KIF15: variants seen among roughly 807,000 people sequenced by gnomAD.
KIF15 encodes kinesin family member 15, also known as kinesin-like protein KIF15.
A neutral mutation model predicts 190.6 loss-of-function variants in KIF15; 140 were observed. The observed-to-expected ratio is 0.73, with a 90% confidence interval of 0.64 to 0.84. The LOEUF (loss-of-function observed/expected upper bound fraction) is 0.84. Ranked by LOEUF, KIF15 falls within the 40% of genes least tolerant of loss-of-function variation. The probability of loss-of-function intolerance (pLI) is 0.00; values close to 1 mark genes in which losing one functional copy is unlikely to be tolerated. For synonymous variants in KIF15, 528 were observed against 551.3 expected (o/e 0.96, Z 0.59); for missense variants, 1,372 against 1,584.4 (o/e 0.87, Z 2.28).
Position 44,852,300 on chromosome 3 carries a change from C to T in KIF15, c.4065C>T (p.Tyr1355=), listed in dbSNP as rs1293986006. The T allele has an allele frequency of 6.2e-6, 10 of 1,612,146 alleles. No homozygotes were observed. Among genetic ancestry groups the T allele is most frequent in the Admixed American group, 3.3e-5 (2 of 59,892 alleles). Reference sequence around the variant, plus strand: ...AAAATTTGCATCAGAAGATTCAGTACGTAGTGCGACTAAAGAAGGAAAATG... The same window carrying T: ...AAAATTTGCATCAGAAGATTCAGTATGTAGTGCGACTAAAGAAGGAAAATG... ...GHQNLHQKIQ[Y]VVRLKKENVR... Residue 1355 remains tyrosine, a synonymous_variant, in exon 34 of 35, where the codon TAC becomes TAT. Coordinates refer to ENST00000326047, the MANE Select transcript of KIF15 (RefSeq NM_020242.3).
At chr3:44,822,017 G>A (rs1424062359) in intron 20 of KIF15, among the ~76,000 whole-genome samples, 3 of 152,222 alleles carry the variant, frequency 2.0e-5, no homozygotes, top group African/African-American at 4.8e-5. Context: ...GCAGGCACTC[G>A]GCAAGCTGAG....
intron 28 of KIF15, 48 bp from the exon 29 acceptor site, chr3:44,841,026 A>G: frequency 6.8e-7 from 1 of 1,477,260 alleles, no homozygotes; most frequent in Non-Finnish European, 9.3e-7. Flanking sequence ...AGAAATCTTT[A>G]TAATATCACT....
chr3:44,770,487 C>T (rs1047288307), intron 1 of KIF15, among the ~76,000 whole-genome samples: 1 of 152,084 alleles, frequency 6.6e-6, no homozygotes, highest in Non-Finnish European at 1.5e-5. Context: ...AAAAGTGACA[C>T]TTCTTACTCA....
intron 1 of KIF15, among the ~76,000 whole-genome samples, chr3:44,770,129 G>C (rs145082693): frequency 6.6e-6 from 1 of 152,180 alleles, no homozygotes; most frequent in Non-Finnish European, 1.5e-5. Flanking sequence ...CAAAAAACTT[G>C]AAAACAACTA....
chr3:44,864,816 G>T (rs1699302997), intron 6 of KIF15, among the ~76,000 whole-genome samples: 1 of 152,178 alleles, frequency 6.6e-6, no homozygotes, highest in African/African-American at 2.4e-5. Context: ...GGTCTTTCTT[G>T]TGTACTTTGC....
chr3:44,778,662 A>C (rs1193105330), intron 4 of KIF15, among the ~76,000 whole-genome samples: 1 of 151,868 alleles, frequency 6.6e-6, no homozygotes, highest in Non-Finnish European at 1.5e-5. Context: ...GTCTATCTAT[A>C]TATATATAAC....
At chr3:44,786,747 T>C (rs1300822415) in intron 7 of KIF15, among the ~76,000 whole-genome samples, 173 bp downstream of exon 7, 1 of 151,938 alleles carries the variant, frequency 6.6e-6, no homozygotes, top group Admixed American at 6.6e-5. Flanking sequence ...TTTCCAAGAG[T>C]CTTTCAAAAT....
intron 23 of KIF15, 102 bp downstream of exon 23, chr3:44,827,630 A>T: frequency 1.6e-6 from 1 of 606,580 alleles, no homozygotes; most frequent in African/African-American, 1.9e-5. Flanking sequence ...AGATGTTGGA[A>T]ATTAGTAAGA....
At chr3:44,829,530 A>ATTATATATGTATATATATTAT (rs1402767626) in intron 24 of KIF15, among the ~76,000 whole-genome samples, 5 of 100,348 alleles carry the variant, frequency 5.0e-5, no homozygotes, top group African/African-American at 2.4e-4. Flanking sequence ...ATATGTATAT[A>ATTATATATGTATATATATTAT]ATATGTATAT....
At chr3:44,774,919 GTGAAACC>G (rs1391577032) in intron 2 of KIF15, among the ~76,000 whole-genome samples, 1 of 152,122 alleles carries the variant, frequency 6.6e-6, no homozygotes, top group Non-Finnish European at 1.5e-5. Flanking sequence ...GGCCAGTATG[GTGAAACC>G]CTGTCTCTAC....
chr3:44,833,130 T>C (rs1698151539), intron 26 of KIF15, among the ~76,000 whole-genome samples: 1 of 152,046 alleles, frequency 6.6e-6, no homozygotes, highest in Non-Finnish European at 1.5e-5. Flanking sequence ...ATTCTAGCTG[T>C]GTGACCTTGG....
intron 23 of KIF15, among the ~76,000 whole-genome samples, chr3:44,827,968 C>T (rs563397497): frequency 3.3e-5 from 5 of 152,220 alleles, no homozygotes; most frequent in Admixed American, 2.6e-4. Flanking sequence ...CCTGAGCCAC[C>T]GTGCCTGGCC....
intron 16 of KIF15, among the ~76,000 whole-genome samples, chr3:44,808,548 CTG>C (rs1186537346): frequency 6.6e-6 from 1 of 150,692 alleles, no homozygotes; most frequent in Non-Finnish European, 1.5e-5. Flanking sequence ...TATATACAGA[CTG>C]AGAAAACACA....
chr3:44,822,391 T>C (rs1697392981), intron 20 of KIF15, among the ~76,000 whole-genome samples: 1 of 152,234 alleles, frequency 6.6e-6, no homozygotes, highest in African/African-American at 2.4e-5. Context: ...TCTGATGGGC[T>C]TCCCTTTGTG....
chr3:44,794,132 T>C (rs1559539202), intron 7 of KIF15, 85 bp from the exon 8 acceptor site: 5 of 1,097,142 alleles, frequency 4.6e-6, no homozygotes, highest in Non-Finnish European at 5.4e-6. Context: ...CCTCCAGACA[T>C]GGCCTCCCAA....
intron 30 of KIF15, among the ~76,000 whole-genome samples, chr3:44,845,739 A>G (rs76456827): frequency 0.019 from 2,827 of 152,140 alleles, 75 homozygotes; most frequent in African/African-American, 0.063. Context: ...CAGGTCCCAC[A>G]TGCCCCACTT....
At chr3:44,791,360 A>T (rs573297867) in intron 7 of KIF15, among the ~76,000 whole-genome samples, 1 of 152,296 alleles carries the variant, frequency 6.6e-6, no homozygotes, top group East Asian at 1.9e-4. Flanking sequence ...TTATTATATA[A>T]CTTGTTGCTA....
intron 25 of KIF15, among the ~76,000 whole-genome samples, chr3:44,830,675 T>C (rs188125033): frequency 6.4e-4 from 98 of 152,296 alleles, no homozygotes; most frequent in Non-Finnish European, 1.3e-3. Flanking sequence ...CTGAAGGCAG[T>C]AGATGACAAA....
At chr3:44,768,618 C>T (rs1705512676) in intron 1 of KIF15, among the ~76,000 whole-genome samples, 5 of 152,116 alleles carry the variant, frequency 3.3e-5, no homozygotes, top group Non-Finnish European at 1.5e-5. Flanking sequence ...AGTGACCCGG[C>T]AGGCGTTTGG....
Sources: gnomAD v4.1 joint callset for allele counts (sites outside exome capture counted in the v4.1 genomes callset) on GRCh38, gnomAD v4.1.1 for gene constraint, MANE v1.5 for transcripts, NCBI Gene and HGNC (gene_info 2026-07-23, HGNC 2026-07-21) for gene names.